The following DSC1 variants were observed in gnomAD, a reference collection of about 807,000 sequenced individuals.
DSC1 encodes desmocollin-1.
In DSC1, 79 loss-of-function variants were observed where a neutral mutation model predicts 98.8. The observed-to-expected ratio is 0.80, with a 90% CI of 0.67 to 0.96. The LOEUF (loss-of-function observed/expected upper bound fraction) is 0.96, where lower values mean the gene tolerates loss of function less well. Ranked by LOEUF, DSC1 falls within the 50% of genes least tolerant of loss-of-function variation. The pLI is 0.00. For missense variants in DSC1, 1,115 were observed against 1,075.9 expected (o/e 1.04, Z -0.51); for synonymous variants, 405 against 372.1 (o/e 1.09, Z -1.02).
intron 7 of DSC1, 54 bp downstream of exon 7, chr18:31,145,557 C>A (rs756916977): frequency 9.4e-6 from 15 of 1,593,578 alleles, no homozygotes; most frequent in Non-Finnish European, 1.0e-5. Flanking sequence ...CTCGGGAGTT[C>A]ATTCTCAGTT....
At chr18:31,139,657 T>A in intron 11 of DSC1, 91 bp downstream of exon 11, 2 of 1,279,228 alleles carry the variant, frequency 1.6e-6, no homozygotes, top group Non-Finnish European at 2.1e-6. Context: ...GCTTGAATTA[T>A]GTTTTGTCTA....
rs781167717 is a variant in DSC1 at position 31,133,914 on chromosome 18, A to G, written c.2093T>C (p.Val698Ala). The G allele has an allele frequency of 2.5e-6, 4 of 1,612,900 alleles. No homozygotes were observed. The African/African-American group carries it at 5.3e-5, about 22-fold the overall frequency. Residue 698 changes from valine (V) to alanine (A), a missense_variant, in exon 13 of 16, where the codon GTG (valine) becomes GCG (alanine). By Grantham distance (64) the Val-to-Ala change is moderately conservative (BLOSUM62 0). Transcript: ENST00000257198. ...ILGRWAILAM[V>A]LGSVLLLCIL... ...ACATAATAACAATACAGAACCCAAC[A>G]CCATAGCAAGAATAGCCCATCTTCC... is the stretch of plus-strand genomic sequence containing the variant.
intron 15 of DSC1, among the ~76,000 whole-genome samples, chr18:31,130,999 T>G (rs1317941913): frequency 1.3e-5 from 2 of 152,230 alleles, no homozygotes; most frequent in Non-Finnish European, 2.9e-5. Flanking sequence ...CATGTATATT[T>G]GAAATTTACC....
chr18:31,138,003 G>T (rs1360281928), intron 11 of DSC1, among the ~76,000 whole-genome samples: 1 of 148,914 alleles, frequency 6.7e-6, no homozygotes, highest in Non-Finnish European at 1.5e-5. Flanking sequence ...GTGTGTGTGT[G>T]TGTGTGGATT....
chr18:31,156,037 A>G lies in DSC1; in HGVS notation c.471+6T>C, dbSNP rs750780957. ...ACACATATAAAATCAAATAAGTGAA[A>G]TGCACCTGCTGAACGTGTTGTGGAA... On this transcript the variant is annotated splice_donor_region_variant and intron_variant, in intron 4 of 15. Transcript: ENST00000257198. 1.2e-6 allele frequency: 2 copies of G among 1,607,888 alleles called. No homozygotes were observed. The highest frequency in any genetic ancestry group is 4.5e-5 in the East Asian group (2 of 44,856).
At chr18:31,150,035 C>T (rs976254106) in intron 5 of DSC1, among the ~76,000 whole-genome samples, 2 of 142,086 alleles carry the variant, frequency 1.4e-5, no homozygotes, top group Non-Finnish European at 3.0e-5. Flanking sequence ...CACCACTTAC[C>T]ATCATCATCA....
At chr18:31,130,953 C>T (rs559540366) in intron 15 of DSC1, 26 of 927,658 alleles carry the variant, frequency 2.8e-5, no homozygotes, top group East Asian at 2.2e-4. Flanking sequence ...GCATATATCA[C>T]GCAACACATT....
chr18:31,156,207 T>G (rs761230334), intron 3 of DSC1, 45 bp from the exon 4 acceptor site: 121 of 1,590,318 alleles, frequency 7.6e-5, no homozygotes, highest in Non-Finnish European at 9.5e-5. Flanking sequence ...GCTTATCATT[T>G]TTTGGAACTG....
At chr18:31,154,295 T>A (rs967807352) in intron 5 of DSC1, among the ~76,000 whole-genome samples, 2 of 147,800 alleles carry the variant, frequency 1.4e-5, no homozygotes, top group Non-Finnish European at 3.0e-5. Context: ...AAAAGCTATG[T>A]AAGGGGCTAA....
intron 6 of DSC1, 70 bp from the exon 7 acceptor site, chr18:31,145,847 A>G: frequency 6.6e-7 from 1 of 1,513,562 alleles, no homozygotes; most frequent in Non-Finnish European, 8.9e-7. Context: ...AAATAAAATC[A>G]AGGCATTGCT....
In DSC1 at chr18:31,130,576, C is replaced by G; in HGVS notation, c.2623G>C (p.Glu875Gln). The G allele has an allele frequency of 6.2e-7, 1 of 1,614,160 alleles. No homozygotes were observed. The highest frequency in any genetic ancestry group is 1.3e-5 in the African/African-American group (1 of 75,044). Residue 875 changes from glutamate (E) to glutamine (Q), a missense_variant, in exon 16 of 16, where the codon GAG (glutamate) becomes CAG (glutamine). Coordinates refer to ENST00000257198, the MANE Select transcript of DSC1 (RefSeq NM_024421.2). ...TTGGGTTCCAGGTGATCTAGAAACT[C>G]CAGTCCCTCTTCTTCCTGCCGATCG... ...CSDRQEEEGL[E>Q]FLDHLEPKFR... is the part of the protein sequence containing the mutation.
chr18:31,141,513 C>T (rs1988734271), intron 9 of DSC1, among the ~76,000 whole-genome samples: 1 of 152,038 alleles, frequency 6.6e-6, no homozygotes, highest in South Asian at 2.1e-4. Flanking sequence ...GCAATGGCTA[C>T]CTGGAATATA....
intron 11 of DSC1, among the ~76,000 whole-genome samples, chr18:31,138,147 G>C (rs1252213598): frequency 1.3e-5 from 2 of 151,964 alleles, no homozygotes; most frequent in African/African-American, 4.8e-5. Context: ...GTTAAAGTTT[G>C]CTTTTTATTT....
chr18:31,141,856 A>G, intron 9 of DSC1, 143 bp downstream of exon 9: 1 of 784,350 alleles, frequency 1.3e-6, no homozygotes, highest in African/African-American at 1.8e-5. Flanking sequence ...AGAATAAGAA[A>G]CAACAAAGTT....
chr18:31,150,886 T>G (rs1598626518), intron 5 of DSC1: 1 of 152,206 alleles, frequency 6.6e-6, no homozygotes, highest in East Asian at 1.9e-4. Flanking sequence ...TGCCTTACCT[T>G]GGGTAAGTCT....
At chr18:31,151,453 T>C (rs959757716) in intron 5 of DSC1, among the ~76,000 whole-genome samples, 1 of 152,232 alleles carries the variant, frequency 6.6e-6, no homozygotes, top group East Asian at 1.9e-4. Context: ...GTTTTATTAC[T>C]ATATCCATCA....
In DSC1 at chr18:31,145,777, C is replaced by G. The variant is rs745352570; in HGVS notation, c.773G>C (p.Gly258Ala). The G allele has an allele frequency of 3.5e-5, 56 of 1,612,316 alleles. No individual in the cohort carries two copies. The Middle Eastern group carries it at 1.2e-3, about 33-fold the overall frequency. ...IFTVPENCRSGTSVGKVTATD... is the reference protein window; with the variant it reads ...IFTVPENCRSATSVGKVTATD... Reference sequence around the variant, plus strand: ...GGCGGTCACTTTTCCCACTGAAGTTCCTGTTTAGATAAATCCAAAAGTGTC... The same window carrying G: ...GGCGGTCACTTTTCCCACTGAAGTTGCTGTTTAGATAAATCCAAAAGTGTC... Residue 258 changes from glycine (G) to alanine (A), a missense_variant and splice_region_variant, in exon 7 of 16, where the codon GGA becomes GCA. By Grantham distance (60) the Gly-to-Ala change is moderately conservative. Coordinates refer to ENST00000257198, the MANE Select transcript of DSC1 (RefSeq NM_024421.2).
intron 5 of DSC1, among the ~76,000 whole-genome samples, chr18:31,150,261 TCATCATCACCACTACCATCAC>T (rs1988946817): frequency 3.1e-5 from 3 of 97,622 alleles, no homozygotes; most frequent in African/African-American, 8.4e-5. Flanking sequence ...ACCACCACCA[TCATCATCACCACTACCATCAC>T]CACCACCACC....
chr18:31,154,714 A>G, intron 5 of DSC1, 60 bp downstream of exon 5: 1 of 1,381,188 alleles, frequency 7.2e-7, no homozygotes, highest in Non-Finnish European at 9.7e-7. Flanking sequence ...AGCATAGTTG[A>G]AAATATTAGT....
Sources: gnomAD v4.1 joint callset for allele counts (sites outside exome capture counted in the v4.1 genomes callset) on GRCh38, gnomAD v4.1.1 for gene constraint, MANE v1.5 for transcripts, NCBI Gene and HGNC (gene_info 2026-07-23, HGNC 2026-07-21) for gene names.